Variants in CNKSR2 observed in about 807,000 individuals in gnomAD.
The protein encoded by CNKSR2 is connector enhancer of kinase suppressor of Ras 2.
In CNKSR2, 14 loss-of-function variants were observed where a neutral mutation model predicts 84.4. That is an observed-to-expected ratio of 0.17 (90% CI 0.11 to 0.26). The LOEUF (loss-of-function observed/expected upper bound fraction) is 0.26. Among genes scored for constraint, CNKSR2 ranks in the 10% least tolerant of loss-of-function variants. The probability of loss-of-function intolerance (pLI) is 1.00; values close to 1 mark genes in which losing one functional copy is unlikely to be tolerated. For missense variants in CNKSR2, 485 were observed against 771.2 expected, an observed-to-expected ratio of 0.63 and a Z score of 4.40; for synonymous variants, 275 against 277.9, an observed-to-expected ratio of 0.99 and a Z score of 0.10.
intron 4 of CNKSR2, among the ~76,000 whole-genome samples, chrX:21,467,543 C>A (rs2091143978): frequency 9.0e-6 from 1 of 111,599 alleles, no homozygotes; most frequent in Admixed American, 9.5e-5. Flanking sequence ...TTACACTAAT[C>A]AAGAGTATCC....
intron 8 of CNKSR2, among the ~76,000 whole-genome samples, chrX:21,515,042 A>T (rs969200380): frequency 3.9e-5 from 4 of 101,515 alleles, no homozygotes; most frequent in East Asian, 3.0e-4. Flanking sequence ...AATGTGATTT[A>T]AAAAAAAAAA....
intron 1 of CNKSR2, among the ~76,000 whole-genome samples, chrX:21,415,510 C>T (rs1428181675): frequency 9.3e-6 from 1 of 107,208 alleles, no homozygotes; most frequent in African/African-American, 3.4e-5. Flanking sequence ...AATTTGACTT[C>T]TCATTGTTCA....
At chrX:21,526,808 T>C in intron 9 of CNKSR2, 59 bp from the exon 10 acceptor site, 4 of 879,326 alleles carry the variant, frequency 4.5e-6, no homozygotes, top group Non-Finnish European at 6.6e-6. Flanking sequence ...GTTGTTGTTG[T>C]TGTTGTTGTT....
intron 17 of CNKSR2, among the ~76,000 whole-genome samples, chrX:21,598,811 T>C (rs977649990): frequency 1.8e-5 from 2 of 112,867 alleles, no homozygotes; most frequent in African/African-American, 6.4e-5. Context: ...TTTATCTCTG[T>C]ATCCCAGGTA....
At chrX:21,520,098 C>G (rs1395998724) in intron 9 of CNKSR2, among the ~76,000 whole-genome samples, 1 of 111,044 alleles carries the variant, frequency 9.0e-6, no homozygotes, top group Non-Finnish European at 1.9e-5. Context: ...GAAATTATAG[C>G]CAAATAAACA....
chrX:21,554,729 A>G (rs1202924316), intron 11 of CNKSR2, among the ~76,000 whole-genome samples: 2 of 111,678 alleles, frequency 1.8e-5, no homozygotes, highest in Non-Finnish European at 1.9e-5. Flanking sequence ...TATCTAGTCT[A>G]TCATTGATGG....
At chrX:21,490,676 C>A in intron 6 of CNKSR2, 98 bp downstream of exon 6, 2 of 902,836 alleles carry the variant, frequency 2.2e-6, no homozygotes, top group Non-Finnish European at 3.0e-6. Flanking sequence ...TGAATTTCAA[C>A]AGACACTGAA....
At chrX:21,462,501 C>A (rs910582164) in intron 4 of CNKSR2, among the ~76,000 whole-genome samples, 1 of 110,810 alleles carries the variant, frequency 9.0e-6, no homozygotes, top group Non-Finnish European at 1.9e-5. Context: ...TGACTTCTTC[C>A]TTCCCAATTT....
At chrX:21,635,580 G>A (rs1405530486) in intron 20 of CNKSR2, among the ~76,000 whole-genome samples, 1 of 107,812 alleles carries the variant, frequency 9.3e-6, no homozygotes, top group East Asian at 2.8e-4. Flanking sequence ...ATATATAAAT[G>A]TGTGTGTGTA....
intron 13 of CNKSR2, among the ~76,000 whole-genome samples, chrX:21,575,484 T>C (rs758702094): frequency 2.9e-4 from 32 of 111,509 alleles, no homozygotes; most frequent in Admixed American, 2.8e-3. Context: ...AAACTTTCAG[T>C]CCCAGATAAG....
intron 20 of CNKSR2, among the ~76,000 whole-genome samples, chrX:21,646,198 C>G (rs987326782): frequency 9.0e-6 from 1 of 111,144 alleles, no homozygotes; most frequent in African/African-American, 3.3e-5. Flanking sequence ...CATTACTATA[C>G]TTGGAAATGT....
At chrX:21,512,773 T>C (rs2091687168) in intron 8 of CNKSR2, among the ~76,000 whole-genome samples, 1 of 111,675 alleles carries the variant, frequency 9.0e-6, no homozygotes, top group African/African-American at 3.3e-5. Context: ...TGTTTTGTTT[T>C]GTTTTCTGGT....
intron 13 of CNKSR2, among the ~76,000 whole-genome samples, chrX:21,567,656 G>A (rs2092250316): frequency 9.0e-6 from 1 of 111,602 alleles, no homozygotes; most frequent in Admixed American, 9.6e-5. Flanking sequence ...AGCCAAGCAT[G>A]TTATGACATT....
At chrX:21,483,480 T>C (rs1427701601) in intron 5 of CNKSR2, among the ~76,000 whole-genome samples, 1 of 108,375 alleles carries the variant, frequency 9.2e-6, no homozygotes, top group Non-Finnish European at 1.9e-5. Context: ...TTAGGAGATA[T>C]ACCTAATGTA....
Position 21,374,788 on chromosome X carries a change from C to T in CNKSR2, c.-110C>T, listed in dbSNP as rs968792464. 3 of 681,342 alleles carry T rather than the reference C, an allele frequency of 4.4e-6. No individual in the cohort carries two copies. The highest frequency in any genetic ancestry group is 7.1e-6 in the Non-Finnish European group (3 of 420,430). 56.2% of individuals were successfully genotyped at this position (681,342 alleles called of 1,213,427 possible). ...ACAAAAGCCGCTTTCTCCGCGCCGC[C>T]CGCCCAGGGAGGCTGCGGCCAGCAA... On this transcript the variant is annotated 5_prime_UTR_variant, in exon 1 of 22. Coordinates refer to ENST00000379510, the MANE Select transcript of CNKSR2 (RefSeq NM_014927.5).
chrX:21,375,112 G>A lies in CNKSR2; in HGVS notation c.64+151G>A, dbSNP rs962801069. 5 of 511,548 alleles carry A rather than the reference G, an allele frequency of 9.8e-6. No individual in the cohort carries two copies. In the African/African-American group the frequency reaches 1.2e-4, roughly 12 times the overall value. The allele number at this position is 511,548 out of a possible 1,213,427, so 42.2% of individuals were successfully genotyped here. ...TCGGGGCGGGGGTCCTCCAGGACTG[G>A]CAGGGGCCTGGGGTCCCCGGTCTCC... On this transcript the variant is annotated intron_variant, in intron 1 of 21. Coordinates refer to ENST00000379510, the MANE Select transcript of CNKSR2 (RefSeq NM_014927.5).
chrX:21,574,239 TGTCTTCTTCCGA>T (rs1261138010), intron 13 of CNKSR2, among the ~76,000 whole-genome samples: 3 of 112,125 alleles, frequency 2.7e-5, no homozygotes, highest in Non-Finnish European at 5.6e-5. Flanking sequence ...CACATTTTCC[TGTCTTCTTCCGA>T]GTCTTCTAAA....
chrX:21,407,887 T>C (rs1208739179), intron 1 of CNKSR2, among the ~76,000 whole-genome samples: 1 of 111,863 alleles, frequency 8.9e-6, no homozygotes, highest in Non-Finnish European at 1.9e-5. Context: ...TAAAAAGTAA[T>C]TGTAGATTTT....
chrX:21,635,406 G>GTA (rs1363631443), intron 20 of CNKSR2, among the ~76,000 whole-genome samples: 37 of 98,515 alleles, frequency 3.8e-4, no homozygotes, highest in African/African-American at 1.3e-3. Context: ...GTGTGTGTGT[G>GTA]TGTATATATA....
Sources: allele counts gnomAD v4.1 joint callset (sites outside exome capture counted in the v4.1 genomes callset), GRCh38; gene constraint gnomAD v4.1.1; transcripts MANE v1.5; gene names NCBI Gene and HGNC (gene_info 2026-07-23, HGNC 2026-07-21).